The following GPR158 variants were observed in gnomAD, a reference collection of about 807,000 sequenced individuals.
GPR158 encodes metabotropic glycine receptor.
Under a neutral mutation model 78.2 loss-of-function variants are expected in GPR158, and 30 were observed. The observed-to-expected ratio is 0.38, with a 90% CI of 0.29 to 0.52. The LOEUF (loss-of-function observed/expected upper bound fraction) is 0.52, where lower values mean the gene tolerates loss of function less well. GPR158 is among the 20% of genes least tolerant of loss of function. The pLI is 0.83. For missense variants in GPR158, 1,463 were observed against 1,523.5 expected (o/e 0.96, Z 0.66); for synonymous variants, 581 against 591.1 (o/e 0.98, Z 0.25).
chr10:25,568,221 T>G (rs1836957545), intron 6 of GPR158, among the ~76,000 whole-genome samples: 1 of 152,118 alleles, frequency 6.6e-6, no homozygotes, highest in Admixed American at 6.6e-5. Context: ...TGATCTGAAC[T>G]GGAGATATAG....
chr10:25,411,564 C>T (rs1834584613), intron 3 of GPR158, among the ~76,000 whole-genome samples: 1 of 152,090 alleles, frequency 6.6e-6, no homozygotes, highest in African/African-American at 2.4e-5. Context: ...CTTATTCCTA[C>T]TTCTGGTTAA....
intron 2 of GPR158, among the ~76,000 whole-genome samples, chr10:25,330,501 A>C (rs998000065): frequency 6.6e-6 from 1 of 152,126 alleles, no homozygotes; most frequent in Non-Finnish European, 1.5e-5. Context: ...AAACCAGGCT[A>C]CCCTCAGGAT....
intron 2 of GPR158, among the ~76,000 whole-genome samples, chr10:25,241,184 TCTTTC>T (rs761554916): frequency 1.6e-4 from 18 of 111,198 alleles, no homozygotes; most frequent in South Asian, 6.1e-4. Flanking sequence ...TTTCTTTCTT[TCTTTC>T]CTTTCTTTCT....
chr10:25,350,541 G>A (rs1000505125), intron 2 of GPR158, among the ~76,000 whole-genome samples: 2 of 152,002 alleles, frequency 1.3e-5, no homozygotes, highest in African/African-American at 4.8e-5. Flanking sequence ...AGCCCCGTTG[G>A]TCAGTTTTTT....
At chr10:25,485,375 ACAT>A (rs1323140105) in intron 5 of GPR158, among the ~76,000 whole-genome samples, 1 of 152,114 alleles carries the variant, frequency 6.6e-6, no homozygotes, top group Non-Finnish European at 1.5e-5. Context: ...AAATATAAAG[ACAT>A]CATATTTAAA....
intron 7 of GPR158, among the ~76,000 whole-genome samples, chr10:25,577,534 A>G (rs1210864932): frequency 1.3e-5 from 2 of 152,224 alleles, no homozygotes; most frequent in Non-Finnish European, 2.9e-5. Flanking sequence ...CATTTGAGAG[A>G]GTGAAATACT....
chr10:25,288,981 A>G (rs1227394060), intron 2 of GPR158, among the ~76,000 whole-genome samples: 1 of 152,110 alleles, frequency 6.6e-6, no homozygotes, highest in Non-Finnish European at 1.5e-5. Context: ...CCTTTCCATG[A>G]TGGTTACATA....
intron 5 of GPR158, among the ~76,000 whole-genome samples, chr10:25,484,157 C>A (rs757276436): frequency 2.6e-5 from 4 of 152,268 alleles, no homozygotes; most frequent in Non-Finnish European, 4.4e-5. Context: ...GTTCCCTCTG[C>A]CACGGCAATT....
intron 2 of GPR158, among the ~76,000 whole-genome samples, chr10:25,267,837 AT>A (rs1199287858): frequency 6.6e-6 from 1 of 152,128 alleles, no homozygotes; most frequent in Non-Finnish European, 1.5e-5. Flanking sequence ...GTAGGAAATT[AT>A]TTTTTAATAA....
intron 2 of GPR158, among the ~76,000 whole-genome samples, chr10:25,309,387 A>G (rs1375248107): frequency 6.9e-6 from 1 of 144,146 alleles, no homozygotes; most frequent in Non-Finnish European, 1.5e-5. Context: ...TCCTTTGCCC[A>G]CTTTTGAATT....
intron 6 of GPR158, among the ~76,000 whole-genome samples, chr10:25,563,030 C>A (rs1449791547): frequency 6.6e-6 from 1 of 152,022 alleles, no homozygotes; most frequent in Non-Finnish European, 1.5e-5. Context: ...TATATAATGT[C>A]ATTTTTTGTC....
chr10:25,399,068 T>C (rs188221395), intron 3 of GPR158, among the ~76,000 whole-genome samples: 3 of 152,236 alleles, frequency 2.0e-5, no homozygotes, highest in African/African-American at 2.4e-5. Flanking sequence ...TGACTCACAG[T>C]TTCACATGGC....
chr10:25,323,502 C>T (rs2130481720), intron 2 of GPR158, among the ~76,000 whole-genome samples: 1 of 151,716 alleles, frequency 6.6e-6, no homozygotes, highest in Admixed American at 6.6e-5. Flanking sequence ...TTTAGTGTAG[C>T]TACTTTTATC....
intron 5 of GPR158, among the ~76,000 whole-genome samples, chr10:25,490,295 CTT>C (rs138859493): frequency 0.023 from 3,503 of 150,590 alleles, 146 homozygotes; most frequent in African/African-American, 0.079. Flanking sequence ...TTGGATTTGT[CTT>C]TTTTTTAATT....
At chr10:25,488,190 C>T (rs1036428101) in intron 5 of GPR158, among the ~76,000 whole-genome samples, 6 of 152,088 alleles carry the variant, frequency 3.9e-5, no homozygotes, top group Non-Finnish European at 7.4e-5. Flanking sequence ...CCAACCATTG[C>T]ATCTTTATCC....
At position 25,291,057 on chromosome 10, in the gene GPR158, C is replaced by A. The variant is rs112458524; in HGVS notation, c.1008+69900C>A. On this transcript the variant is annotated intron_variant, in intron 2 of 10. Coordinates refer to ENST00000376351, the MANE Select transcript of GPR158 (RefSeq NM_020752.3). ...CTTCTGCATGCAGCCATATTTTTAA[C>A]ATACTTGCAGTCATAATACGCATTT... Among the ~76,000 whole-genome samples, 479 of 152,092 alleles carry A rather than the reference C, an allele frequency of 3.1e-3. 3 individuals carry two copies. The highest frequency in any genetic ancestry group is 0.011 in the African/African-American group (463 of 41,558).
At chr10:25,443,645 G>A (rs1006850700) in intron 4 of GPR158, among the ~76,000 whole-genome samples, 2 of 146,796 alleles carry the variant, frequency 1.4e-5, no homozygotes, top group East Asian at 2.0e-4. Flanking sequence ...GACCTCAAGC[G>A]ATCATTCCAC....
chr10:25,194,400 G>C (rs761563916), intron 1 of GPR158, among the ~76,000 whole-genome samples: 1 of 152,120 alleles, frequency 6.6e-6, no homozygotes, highest in South Asian at 2.1e-4. Flanking sequence ...TTAGCCAAGC[G>C]TGGTGGTGCA....
intron 4 of GPR158, among the ~76,000 whole-genome samples, chr10:25,438,028 C>A (rs1835021686): frequency 6.6e-6 from 1 of 152,170 alleles, no homozygotes; most frequent in South Asian, 2.1e-4. Flanking sequence ...GCAGGTGGAG[C>A]TATTCACTTT....
Sources: allele counts gnomAD v4.1 joint callset (sites outside exome capture counted in the v4.1 genomes callset), GRCh38; gene constraint gnomAD v4.1.1; transcripts MANE v1.5; gene names NCBI Gene and HGNC (gene_info 2026-07-23, HGNC 2026-07-21).